WFDC8: variants seen among roughly 807,000 people sequenced by gnomAD.
WFDC8 encodes WAP four-disulfide core domain protein 8.
In WFDC8, 24 loss-of-function variants were observed where a neutral mutation model predicts 27.0. The ratio of observed to expected loss-of-function variants is 0.89; its 90% CI spans 0.64 to 1.25. WFDC8 has a LOEUF of 1.25. WFDC8 is among the 50% of genes most tolerant of loss of function. The pLI, the probability that WFDC8 is intolerant of heterozygous loss-of-function variation, is 0.00. For missense variants in WFDC8, 287 were observed against 295.9 expected (o/e 0.97, Z 0.22); for synonymous variants, 106 against 99.7 (o/e 1.06, Z -0.38).
intron 2 of WFDC8, among the ~76,000 whole-genome samples, chr20:45,559,601 G>A (rs1159737312): frequency 1.3e-5 from 2 of 152,238 alleles, no homozygotes; most frequent in African/African-American, 2.4e-5. Flanking sequence ...TCTTTAAAAT[G>A]AGAATGACAA....
In WFDC8 at chr20:45,576,543, G is replaced by A. The variant is rs566565730; in HGVS notation, c.26+2679C>T. Among the ~76,000 whole-genome samples, 77 of 151,416 alleles carry A rather than the reference G, an allele frequency of 5.1e-4. 1 individual carries two copies. The highest frequency in any genetic ancestry group is 1.8e-3 in the African/African-American group (73 of 41,452). On this transcript the variant is annotated intron_variant, in intron 1 of 5. Coordinates refer to ENST00000289953, the MANE Select transcript of WFDC8 (RefSeq NM_130896.3). ...GCCTCCCAAGGAGCTGGGATTATAG[G>A]CATGTGCCACCACACCTGTAATTTT...
chr20:45,578,203 T>C (rs1568643734), intron 1 of WFDC8, among the ~76,000 whole-genome samples: 1 of 151,298 alleles, frequency 6.6e-6, no homozygotes, highest in Non-Finnish European at 1.5e-5. Context: ...TATGTATTGA[T>C]CAAATGATGA....
At chr20:45,558,729 G>GATA (rs964061815) in intron 3 of WFDC8, 123 bp downstream of exon 3, 9 of 1,230,942 alleles carry the variant, frequency 7.3e-6, no homozygotes, top group African/African-American at 1.5e-5. Context: ...GTTAGGCATT[G>GATA]AATAACAGAA....
chr20:45,555,893 A>T, intron 3 of WFDC8, 25 bp from the exon 4 acceptor site: 1 of 1,609,318 alleles, frequency 6.2e-7, no homozygotes, highest in Non-Finnish European at 8.5e-7. Flanking sequence ...CAAGGAAAGA[A>T]GGATATGAAG....
At chr20:45,570,564 T>G (rs1025147201) in intron 1 of WFDC8, among the ~76,000 whole-genome samples, 4 of 152,234 alleles carry the variant, frequency 2.6e-5, no homozygotes, top group Admixed American at 1.3e-4. Context: ...CTCTTGTTCA[T>G]GGAAATTTGG....
In WFDC8 at chr20:45,556,998, T is replaced by C. The variant is rs575374799; in HGVS notation, c.278-1130A>G. Among the ~76,000 whole-genome samples the C allele has an allele frequency of 2.0e-5, 3 of 152,304 alleles. No homozygotes were observed. The East Asian group carries it at 5.8e-4, about 29-fold the overall frequency. On this transcript the variant is annotated intron_variant, in intron 3 of 5. Coordinates refer to ENST00000289953, the MANE Select transcript of WFDC8 (RefSeq NM_130896.3). ...TCTGAATCCTGGCAAAACCATTACA[T>C]CTGAGAAGTATGCTTAGCAAATCGA...
chr20:45,568,231 GGCTCAA>G, intron 1 of WFDC8: 1 of 246,004 alleles, frequency 4.1e-6, no homozygotes, highest in Non-Finnish European at 8.4e-6. Context: ...AATCATGGAT[GGCTCAA>G]GGGTATCTTT....
intron 1 of WFDC8, among the ~76,000 whole-genome samples, chr20:45,578,718 T>C (rs1981130541): frequency 6.6e-6 from 1 of 152,218 alleles, no homozygotes; most frequent in South Asian, 2.1e-4. Flanking sequence ...TAGTTGTGAA[T>C]AATAATATAA....
At chr20:45,551,301 A>G (rs2145558312), downstream of WFDC8, 1 of 152,270 alleles carries the variant, frequency 6.6e-6, no homozygotes, top group South Asian at 2.1e-4. Context: ...CATTTTCAGT[A>G]GTAGCTATAA....
chr20:45,574,459 A>G (rs190967026), intron 1 of WFDC8, among the ~76,000 whole-genome samples: 145 of 152,238 alleles, frequency 9.5e-4, no homozygotes, highest in Non-Finnish European at 1.6e-3. Flanking sequence ...AATTCTCAAA[A>G]AAAAAAAAAG....
chr20:45,579,202 C>A lies in WFDC8; in HGVS notation c.26+20G>T. ...GACCCTCCATGTCTGGCTACCCACC[C>A]CCATAGACACCCTCCTCACCCTCCT... On this transcript the variant is annotated intron_variant, in intron 1 of 5. Transcript: ENST00000289953. 6.2e-7 allele frequency: 1 copy of A among 1,613,408 alleles called. No individual in the cohort carries two copies. Among genetic ancestry groups the A allele is most frequent in the Non-Finnish European group, 8.5e-7 (1 of 1,179,576 alleles).
At chr20:45,573,398 C>A (rs181613840) in intron 1 of WFDC8, among the ~76,000 whole-genome samples, 222 of 152,222 alleles carry the variant, frequency 1.5e-3, no homozygotes, top group African/African-American at 4.9e-3. Context: ...GTGCACCAGT[C>A]CCCAAGTAGT....
intron 1 of WFDC8, among the ~76,000 whole-genome samples, chr20:45,576,390 C>T (rs763286479): frequency 1.3e-5 from 2 of 150,806 alleles, no homozygotes; most frequent in Non-Finnish European, 3.0e-5. Flanking sequence ...GATAAAACTT[C>T]GTCTTAGAGT....
intron 2 of WFDC8, among the ~76,000 whole-genome samples, chr20:45,560,195 C>T (rs568874977): frequency 6.6e-6 from 1 of 152,116 alleles, no homozygotes; most frequent in Non-Finnish European, 1.5e-5. Context: ...ACTTGCTATT[C>T]GTAGCTTTGA....
chr20:45,559,750 G>A (rs970747504), intron 2 of WFDC8: 1 of 151,984 alleles, frequency 6.6e-6, no homozygotes, highest in African/African-American at 2.4e-5. Flanking sequence ...GAAGAGGCAA[G>A]GGGAAAAAAA....
At chr20:45,562,013 AG>A in intron 2 of WFDC8, 96 bp downstream of exon 2, 1 of 1,107,860 alleles carries the variant, frequency 9.0e-7, no homozygotes, top group Non-Finnish European at 1.3e-6. Context: ...TCCACAGTAG[AG>A]GGGGCCTCAT....
At chr20:45,562,842 T>G (rs1395857689) in intron 1 of WFDC8, among the ~76,000 whole-genome samples, 1 of 152,230 alleles carries the variant, frequency 6.6e-6, no homozygotes, top group Non-Finnish European at 1.5e-5. Context: ...TGTGTCTTCA[T>G]GATCCTTATG....
At chr20:45,573,406 A>C (rs1179956330) in intron 1 of WFDC8, among the ~76,000 whole-genome samples, 1 of 152,118 alleles carries the variant, frequency 6.6e-6, no homozygotes, top group Non-Finnish European at 1.5e-5. Context: ...GTCCCCAAGT[A>C]GTGTACATTG....
chr20:45,556,549 T>C (rs1022226946), intron 3 of WFDC8, among the ~76,000 whole-genome samples: 2 of 152,094 alleles, frequency 1.3e-5, no homozygotes, highest in African/African-American at 4.8e-5. Context: ...ATGAGGAGCA[T>C]TGTGGCTGGT....
Sources: gnomAD v4.1 joint callset for allele counts (sites outside exome capture counted in the v4.1 genomes callset) on GRCh38, gnomAD v4.1.1 for gene constraint, MANE v1.5 for transcripts, NCBI Gene and HGNC (gene_info 2026-07-23, HGNC 2026-07-21) for gene names.